The following GRIK2 variants were observed in gnomAD, a reference collection of about 807,000 sequenced individuals.
GRIK2 encodes the protein glutamate ionotropic receptor kainate type subunit 2, also known as glutamate receptor ionotropic, kainate 2.
Under a neutral mutation model 100.3 loss-of-function variants are expected in GRIK2, and 32 were observed. That is an observed-to-expected ratio of 0.32 (90% confidence interval 0.24 to 0.43). GRIK2 has a LOEUF of 0.43. GRIK2 is among the 20% of genes least tolerant of loss of function. The pLI is 1.00. For missense variants in GRIK2, 843 were observed against 1,114.9 expected (o/e 0.76, Z 3.47); for synonymous variants, 417 against 389.4 (o/e 1.07, Z -0.83).
rs1274453595 is a variant in GRIK2 at position 101,490,179 on chromosome 6, TTAAG to T, written c.115+90790_115+90793del. Among the ~76,000 whole-genome samples the T allele has an allele frequency of 1.5e-4, 15 of 102,760 alleles. 3 individuals are homozygous for T. The highest frequency in any genetic ancestry group is 9.3e-4 in the African/African-American group (15 of 16,138). The allele number at this position is 102,760 out of a possible 152,430, so 67.4% of individuals were successfully genotyped here. On this transcript the variant is annotated intron_variant, in intron 2 of 16. Coordinates refer to ENST00000369134, the MANE Select transcript of GRIK2 (RefSeq NM_021956.5). Reference sequence around the variant, plus strand: ...TGTAATAAAAATAAGCACTAAATAATTAAGTATTTAGAACTTACTACATATTATG... The same window carrying T: ...TGTAATAAAAATAAGCACTAAATAATTATTTAGAACTTACTACATATTATG...
intron 14 of GRIK2, among the ~76,000 whole-genome samples, chr6:102,026,002 A>G (rs1562120685): frequency 6.6e-6 from 1 of 150,432 alleles, no homozygotes; most frequent in Non-Finnish European, 1.5e-5. Context: ...TGCTTTTTCT[A>G]TTCTTGCTTA....
intron 2 of GRIK2, among the ~76,000 whole-genome samples, chr6:101,574,164 T>A (rs1777685631): frequency 6.6e-6 from 1 of 150,938 alleles, no homozygotes; most frequent in African/African-American, 2.4e-5. Context: ...TATAGGTGTT[T>A]ATATATACTG....
chr6:101,773,388 G>A (rs1367213375), intron 7 of GRIK2, among the ~76,000 whole-genome samples: 1 of 150,762 alleles, frequency 6.6e-6, no homozygotes, highest in Non-Finnish European at 1.5e-5. Context: ...GCTCAGGCAG[G>A]AGAATCGCTT....
At chr6:101,550,933 G>A (rs1776482427) in intron 2 of GRIK2, among the ~76,000 whole-genome samples, 1 of 152,108 alleles carries the variant, frequency 6.6e-6, no homozygotes, top group Admixed American at 6.6e-5. Context: ...AAGCCATTTG[G>A]CATAGAATCA....
chr6:101,906,279 T>C (rs960744429), intron 12 of GRIK2, among the ~76,000 whole-genome samples: 1 of 151,624 alleles, frequency 6.6e-6, no homozygotes, highest in Non-Finnish European at 1.5e-5. Context: ...CTTTTCATTT[T>C]TGACCCAGGG....
rs528659998 is a variant in GRIK2, at chr6:101,611,233, C to CT, written c.116-10716_116-10715insT. On this transcript the variant is annotated intron_variant, in intron 2 of 16. Transcript: ENST00000369134. ...ATGCCAGAAAACAACCAATCTTTGT[C>CT]AAGGGGCTATTACACTATTTCCTGC... 4.4e-3 allele frequency among the ~76,000 whole-genome samples: 661 copies of CT among 151,940 alleles called. 6 individuals are homozygous for CT. Among genetic ancestry groups the CT allele is most frequent in the African/African-American group, 0.015 (639 of 41,522 alleles).
intron 2 of GRIK2, among the ~76,000 whole-genome samples, chr6:101,552,252 A>G (rs544615110): frequency 6.6e-6 from 1 of 152,304 alleles, no homozygotes; most frequent in East Asian, 1.9e-4. Context: ...ATTTGTCAGA[A>G]TTATACAGAA....
intron 2 of GRIK2, among the ~76,000 whole-genome samples, chr6:101,473,119 T>C (rs1353109207): frequency 7.1e-6 from 1 of 140,328 alleles, no homozygotes; most frequent in African/African-American, 2.7e-5. Flanking sequence ...CTTCCTTCCT[T>C]CCTTCCTTCC....
intron 2 of GRIK2, among the ~76,000 whole-genome samples, chr6:101,412,766 A>G (rs1343571520): frequency 1.3e-5 from 2 of 151,796 alleles, no homozygotes; most frequent in African/African-American, 4.9e-5. Flanking sequence ...TATAAATTTC[A>G]CAGTAGCTTA....
At chr6:101,483,627 T>A (rs1019812421) in intron 2 of GRIK2, among the ~76,000 whole-genome samples, 18 of 152,198 alleles carry the variant, frequency 1.2e-4, no homozygotes, top group African/African-American at 4.1e-4. Flanking sequence ...TAGGCTGGAG[T>A]GCAGTGGCAC....
intron 7 of GRIK2, among the ~76,000 whole-genome samples, chr6:101,788,673 A>C (rs970626705): frequency 6.6e-6 from 1 of 152,242 alleles, no homozygotes; most frequent in Non-Finnish European, 1.5e-5. Context: ...ATAAACATAC[A>C]TGTGCATGTG....
chr6:102,032,851 G>A (rs369326845), intron 14 of GRIK2, among the ~76,000 whole-genome samples: 7 of 151,176 alleles, frequency 4.6e-5, no homozygotes, highest in South Asian at 2.1e-4. Flanking sequence ...ATTTTAAAAG[G>A]CTCACTGCAA....
intron 12 of GRIK2, among the ~76,000 whole-genome samples, chr6:101,910,936 CTAAGA>C (rs1788647336): frequency 6.7e-6 from 1 of 149,820 alleles, no homozygotes; most frequent in African/African-American, 2.5e-5. Context: ...GTATCTTTAT[CTAAGA>C]TAATTTTTGT....
intron 3 of GRIK2, among the ~76,000 whole-genome samples, chr6:101,625,753 T>C (rs1458344239): frequency 6.6e-6 from 1 of 152,152 alleles, no homozygotes; most frequent in East Asian, 1.9e-4. Flanking sequence ...TAGAAAACAC[T>C]TATAGCATCC....
chr6:102,036,788 G>A (rs1405814938), intron 15 of GRIK2, among the ~76,000 whole-genome samples: 1 of 151,390 alleles, frequency 6.6e-6, no homozygotes, highest in Non-Finnish European at 1.5e-5. Context: ...AAGTCACTAA[G>A]TTGATGGTAA....
At position 101,747,598 on chromosome 6, in the gene GRIK2, G is replaced by A. The variant is rs531033572; in HGVS notation, c.952-52050G>A. On this transcript the variant is annotated intron_variant, in intron 7 of 16. Coordinates refer to ENST00000369134, the MANE Select transcript of GRIK2 (RefSeq NM_021956.5). ...TGTTTTATATCTGTAATAAAATTAA[G>A]ATATATGTACATCTTAATTTATTGA... Among the ~76,000 whole-genome samples, 225 of 152,112 alleles carry A rather than the reference G, an allele frequency of 1.5e-3. No individual in the cohort carries two copies. In the Middle Eastern group the frequency reaches 0.017, roughly 11 times the overall value.
At chr6:101,428,866 C>T (rs2128242231) in intron 2 of GRIK2, among the ~76,000 whole-genome samples, 1 of 152,266 alleles carries the variant, frequency 6.6e-6, no homozygotes, top group African/African-American at 2.4e-5. Flanking sequence ...TCCTGCTCTT[C>T]CACTGCATCA....
At chr6:101,618,286 T>C (rs1463694639) in intron 2 of GRIK2, among the ~76,000 whole-genome samples, 1 of 151,690 alleles carries the variant, frequency 6.6e-6, no homozygotes, top group African/African-American at 2.4e-5. Context: ...GTTGTCTATA[T>C]AGATGGAAAA....
rs951673971 is a variant in GRIK2 at position 101,841,497 on chromosome 6, G to A, written c.1318-17790G>A. Among the ~76,000 whole-genome samples the A allele has an allele frequency of 4.0e-5, 6 of 151,888 alleles. 1 individual carries two copies. The highest frequency in any genetic ancestry group is 6.6e-5 in the Admixed American group (1 of 15,238). On this transcript the variant is annotated intron_variant, in intron 10 of 16. Coordinates refer to ENST00000369134, the MANE Select transcript of GRIK2 (RefSeq NM_021956.5). Reference sequence around the variant, plus strand: ...TCTTGCCTCAGCCTCCCGAGTAGCTGGGATTACAGGCACCCACCACCATGC... The same window carrying A: ...TCTTGCCTCAGCCTCCCGAGTAGCTAGGATTACAGGCACCCACCACCATGC...
Sources: allele counts gnomAD v4.1 joint callset (sites outside exome capture counted in the v4.1 genomes callset), GRCh38; gene constraint gnomAD v4.1.1; transcripts MANE v1.5; gene names NCBI Gene and HGNC (gene_info 2026-07-23, HGNC 2026-07-21).